CFAP53: variants seen among roughly 807,000 people sequenced by gnomAD.
The protein encoded by CFAP53 is cilia- and flagella-associated protein 53.
A neutral mutation model predicts 59.7 loss-of-function variants in CFAP53; 62 were observed. That is an observed-to-expected ratio of 1.04 (90% CI 0.85 to 1.28). CFAP53 has a LOEUF of 1.28. Ranked by LOEUF, CFAP53 falls within the 50% of genes most tolerant of loss-of-function variation. The pLI is 0.00. For synonymous variants in CFAP53, 218 were observed against 205.7 expected, an observed-to-expected ratio of 1.06 and a Z score of -0.51; for missense variants, 629 against 615.6, an observed-to-expected ratio of 1.02 and a Z score of -0.23.
intron 6 of CFAP53, 81 bp from the exon 7 acceptor site, chr18:50,238,786 T>C (rs1325942955): frequency 1.6e-5 from 16 of 999,558 alleles, no homozygotes; most frequent in African/African-American, 6.4e-5. Flanking sequence ...CAGAGTCATA[T>C]TGTCTTTAGA....
chr18:50,227,582 C>T lies in CFAP53; in HGVS notation c.1344G>A (p.Arg448=). 1 of 1,614,068 alleles carries T rather than the reference C, an allele frequency of 6.2e-7. No homozygotes were observed. Among genetic ancestry groups the T allele is most frequent in the East Asian group, 2.2e-5 (1 of 44,880 alleles). ...AGGCGATTTGCATCTGAAGTTGCTT[C>T]CTGTACTCCTGGGCTAAACGTTGGC... The part of the protein sequence containing the change: ...ARRQRLAQEY[R]KQLQMQIAYQ... Residue 448 remains arginine (R), a synonymous_variant, in exon 8 of 8, where the codon AGG becomes AGA. Coordinates refer to ENST00000398545, the MANE Select transcript of CFAP53 (RefSeq NM_145020.5).
In CFAP53 at chr18:50,262,093, A is replaced by C. The variant is rs746194348; in HGVS notation, c.196T>G (p.Trp66Gly). ...ATCTTGCAGTCATTGTGCTGGTCCC[A>C]CTCAGCTTTCAAGCGATCCCGCTCA... The part of the protein sequence containing the change: ...SSERDRLKAE[W>G]DQHNDCKILD... Residue 66 changes from tryptophan (W) to glycine (G), a missense_variant, in exon 2 of 8, where the codon TGG becomes GGG. Transcript: ENST00000398545. 9.3e-6 allele frequency: 15 copies of C among 1,614,030 alleles called. No homozygotes were observed. In the Admixed American group the frequency reaches 2.3e-4, roughly 25 times the overall value.
intron 2 of CFAP53, among the ~76,000 whole-genome samples, chr18:50,261,696 G>A (rs1293131926): frequency 1.3e-5 from 2 of 151,962 alleles, no homozygotes; most frequent in African/African-American, 4.8e-5. Context: ...CCAACCAACT[G>A]CACCATATTT....
At chr18:50,253,763 C>A (rs1205617906) in intron 3 of CFAP53, among the ~76,000 whole-genome samples, 3 of 152,178 alleles carry the variant, frequency 2.0e-5, no homozygotes, top group Non-Finnish European at 2.9e-5. Flanking sequence ...GACTGAAGAG[C>A]TGGCAGTGTG....
rs749663695 is a variant in CFAP53 at position 50,243,143 on chromosome 18, T to TA, written c.997-28dup. 8 of 1,563,912 alleles carry TA rather than the reference T, an allele frequency of 5.1e-6. No homozygotes were observed. In the Admixed American group the frequency reaches 1.2e-4, roughly 23 times the overall value. On this transcript the variant is annotated intron_variant, in intron 5 of 7. Transcript: ENST00000398545. ...TATGTAACATAAAAATTCATATTGT[T>TA]AAAATTTTTTGGTGTGATACTATAG...
chr18:50,240,967 T>C (rs896807847), intron 6 of CFAP53, among the ~76,000 whole-genome samples: 7 of 152,218 alleles, frequency 4.6e-5, no homozygotes, highest in African/African-American at 1.7e-4. Flanking sequence ...CAAGCACTGC[T>C]TGAAGCTGAG....
rs147246764 is a variant in CFAP53, at chr18:50,241,858, G to A, written c.1213+1042C>T. The stretch of plus-strand genomic sequence containing the variant: ...AACATCTTAATAGGAAACAGGGTTC[G>A]AGAGCAGAGGACCAGTCTGACTAGA... On this transcript the variant is annotated intron_variant, in intron 6 of 7. Transcript: ENST00000398545. Among the ~76,000 whole-genome samples, 632 of 152,224 alleles carry A rather than the reference G, an allele frequency of 4.2e-3. 5 individuals carry two copies. The highest frequency in any genetic ancestry group is 0.014 in the African/African-American group (584 of 41,532).
intron 3 of CFAP53, among the ~76,000 whole-genome samples, chr18:50,260,527 C>G (rs1435726834): frequency 6.6e-6 from 1 of 152,082 alleles, no homozygotes; most frequent in Non-Finnish European, 1.5e-5. Flanking sequence ...TAGCTGGGCA[C>G]AGTGGCGCGT....
intron 3 of CFAP53, among the ~76,000 whole-genome samples, chr18:50,252,245 A>AG (rs2033808422): frequency 6.6e-6 from 1 of 152,052 alleles, no homozygotes. Flanking sequence ...CTGGGACTAC[A>AG]GGTGACCACC....
At chr18:50,237,759 G>C (rs936374834) in intron 7 of CFAP53, among the ~76,000 whole-genome samples, 1 of 152,138 alleles carries the variant, frequency 6.6e-6, no homozygotes, top group African/African-American at 2.4e-5. Context: ...CCTGGTTGTG[G>C]TGATCAGAAG....
Position 50,232,019 on chromosome 18 carries a change from C to T in CFAP53, c.1317-4410G>A, listed in dbSNP as rs527604424. On this transcript the variant is annotated intron_variant, in intron 7 of 7. Transcript: ENST00000398545. ...ATCCAGCATAAGGCCCCTGAGTGGCCGAGGGGACTTTCTTAATAGGTGGGA... is the reference window on the plus strand; with the variant it reads ...ATCCAGCATAAGGCCCCTGAGTGGCTGAGGGGACTTTCTTAATAGGTGGGA... Among the ~76,000 whole-genome samples, 22 of 152,294 alleles carry T rather than the reference C, an allele frequency of 1.4e-4. No individual in the cohort carries two copies. In the East Asian group the frequency reaches 1.7e-3, roughly 12 times the overall value.
chr18:50,241,442 T>C (rs2033688957), intron 6 of CFAP53, among the ~76,000 whole-genome samples: 1 of 152,098 alleles, frequency 6.6e-6, no homozygotes, highest in Non-Finnish European at 1.5e-5. Flanking sequence ...ATATCTAGAT[T>C]TCTCATGATC....
At chr18:50,238,540 C>T (rs1200590174) in intron 7 of CFAP53, 63 bp downstream of exon 7, 2 of 1,121,942 alleles carry the variant, frequency 1.8e-6, no homozygotes, top group African/African-American at 3.1e-5. Context: ...GTGTGAGCCA[C>T]CATGGCTAGC....
rs2033792764 is a variant in CFAP53 at position 50,250,944 on chromosome 18, A to G, written c.810T>C (p.Asn270=). The change falls in exon 5 of 8, where the codon AAT becomes AAC. Residue 270 remains asparagine, a synonymous_variant. Coordinates refer to ENST00000398545, the MANE Select transcript of CFAP53 (RefSeq NM_145020.5). ...ESNNAQIKHE[N]EQDMLKKQKA... ...TCTGTTTCTTTAGCATATCCTGTTC[A>G]TTCTCATGTTTAATCTGTGCGTTGT... The G allele has an allele frequency of 5.0e-6, 8 of 1,613,986 alleles. No individual in the cohort carries two copies. Among genetic ancestry groups the G allele is most frequent in the Non-Finnish European group, 5.9e-6 (7 of 1,180,020 alleles).
At chr18:50,232,603 T>A (rs1221096205) in intron 7 of CFAP53, among the ~76,000 whole-genome samples, 4 of 152,242 alleles carry the variant, frequency 2.6e-5, no homozygotes, top group Non-Finnish European at 5.9e-5. Flanking sequence ...GAAAAAAGAC[T>A]GCCCTGATGA....
Position 50,266,432 on chromosome 18 carries a change from G to A in CFAP53, c.-28C>T. On this transcript the variant is annotated 5_prime_UTR_variant, in exon 1 of 8. Transcript: ENST00000398545. ...TCGAGTCCCCTTCGGGACGGGGGCG[G>A]CGTCCGCCGCGTTTCCCCCAACCGT... 6.2e-7 allele frequency: 1 copy of A among 1,610,990 alleles called. No homozygotes were observed. Among genetic ancestry groups the A allele is most frequent in the Non-Finnish European group, 8.5e-7 (1 of 1,177,090 alleles).
At chr18:50,263,314 C>CAGAG (rs375696939) in intron 1 of CFAP53, among the ~76,000 whole-genome samples, 1 of 152,134 alleles carries the variant, frequency 6.6e-6, no homozygotes, top group East Asian at 1.9e-4. Context: ...TCTTAAGAGA[C>CAGAG]AGAGAGTCAA....
In CFAP53 at chr18:50,250,956, A is replaced by C; in HGVS notation, c.798T>G (p.Ile266Met). 6.2e-7 allele frequency: 1 copy of C among 1,614,012 alleles called. No homozygotes were observed. The highest frequency in any genetic ancestry group is 8.5e-7 in the Non-Finnish European group (1 of 1,179,962). The part of the protein sequence containing the change: ...ARLVESNNAQ[I>M]KHENEQDMLK... Reference sequence around the variant, plus strand: ...GCATATCCTGTTCATTCTCATGTTTAATCTGTGCGTTGTTACTTTCCTAAG... The same window carrying C: ...GCATATCCTGTTCATTCTCATGTTTCATCTGTGCGTTGTTACTTTCCTAAG... The change falls in exon 5 of 8, where the codon ATT becomes ATG. Residue 266 changes from isoleucine (I) to methionine (M), a missense_variant. By Grantham distance (10) the Ile-to-Met change is conservative. Transcript: ENST00000398545.
chr18:50,233,564 C>T (rs967905585), intron 7 of CFAP53, among the ~76,000 whole-genome samples: 2 of 152,226 alleles, frequency 1.3e-5, no homozygotes, highest in Non-Finnish European at 2.9e-5. Context: ...GTTTGGTTAA[C>T]TGTTTTTCTC....
Sources: allele counts gnomAD v4.1 joint callset (sites outside exome capture counted in the v4.1 genomes callset), GRCh38; gene constraint gnomAD v4.1.1; transcripts MANE v1.5; gene names NCBI Gene and HGNC (gene_info 2026-07-23, HGNC 2026-07-21).